CARHSP1: variants seen among roughly 807,000 people sequenced by gnomAD.
CARHSP1 encodes calcium regulated heat stable protein 1, also known as calcium-regulated heat-stable protein 1.
A neutral mutation model predicts 12.5 loss-of-function variants in CARHSP1; 14 were observed. That is an observed-to-expected ratio of 1.12 (90% CI 0.74 to 1.75). CARHSP1 has a LOEUF of 1.75. Among genes scored for constraint, CARHSP1 ranks in the 40% most tolerant of loss-of-function variants. The probability of loss-of-function intolerance (pLI) is 0.00; values close to 1 mark genes in which losing one functional copy is unlikely to be tolerated. For synonymous variants in CARHSP1, 161 were observed against 82.0 expected (o/e 1.96, Z -5.20); for missense variants, 343 against 201.6 (o/e 1.70, Z -4.25).
chr16:8,857,276 T>TG (rs1198791024), intron 3 of CARHSP1, among the ~76,000 whole-genome samples: 2 of 102,056 alleles, frequency 2.0e-5, no homozygotes, highest in Admixed American at 8.9e-5. Context: ...TTTTTTTTTT[T>TG]TTTTTTTTTT....
chr16:8,859,907 G>T (rs147179509), intron 1 of CARHSP1: 10 of 153,252 alleles, frequency 6.5e-5, no homozygotes, highest in African/African-American at 2.4e-4. Flanking sequence ...AACCTGGGAG[G>T]CGGAGGTTCC....
chr16:8,866,560 A>C, intron 1 of CARHSP1: 1 of 615,140 alleles, frequency 1.6e-6, no homozygotes, highest in Non-Finnish European at 2.0e-6. Context: ...AGCTGAGCCC[A>C]GATAGAAGGG....
At position 8,855,102 on chromosome 16, in the gene CARHSP1, C is replaced by T. The variant is rs1029196272; in HGVS notation, c.*62G>A. The T allele has an allele frequency of 1.0e-5, 14 of 1,397,548 alleles. No individual in the cohort carries two copies. Among genetic ancestry groups the T allele is most frequent in the Middle Eastern group, 1.9e-4 (1 of 5,220 alleles). 86.6% of individuals were successfully genotyped at this position (1,397,548 alleles called of 1,614,324 possible). On this transcript the variant is annotated 3_prime_UTR_variant, in exon 4 of 4. Coordinates refer to ENST00000311052, the MANE Select transcript of CARHSP1 (RefSeq NM_014316.4). ...TGTGGAAGAATGTCATCTCCAGTGT[C>T]TGCTGCCTCCTCCCTGCAAAGTCTC...
chr16:8,868,648 A>G (rs1223550195), intron 1 of CARHSP1: 1 of 151,784 alleles, frequency 6.6e-6, no homozygotes, highest in African/African-American at 2.4e-5. Flanking sequence ...GCTCCCGCCC[A>G]AAGGCAAAAG....
chr16:8,866,142 C>G (rs1431904024), intron 1 of CARHSP1, among the ~76,000 whole-genome samples: 1 of 152,040 alleles, frequency 6.6e-6, no homozygotes, highest in Non-Finnish European at 1.5e-5. Flanking sequence ...TTTGTAGAGA[C>G]AAGGTCTCAC....
intron 1 of CARHSP1, among the ~76,000 whole-genome samples, chr16:8,863,134 T>TC (rs1238146380): frequency 7.7e-6 from 1 of 130,520 alleles, no homozygotes; most frequent in Non-Finnish European, 1.6e-5. Context: ...TTTTTTTTTT[T>TC]TTTCAGATAG....
At chr16:8,862,438 C>G (rs934172829) in intron 1 of CARHSP1, among the ~76,000 whole-genome samples, 1 of 152,116 alleles carries the variant, frequency 6.6e-6, no homozygotes, top group African/African-American at 2.4e-5. Context: ...TGCCCAATAC[C>G]GAGCCCTGTT....
intron 1 of CARHSP1, among the ~76,000 whole-genome samples, chr16:8,867,011 C>T (rs2141131570): frequency 6.6e-6 from 1 of 152,296 alleles, no homozygotes; most frequent in East Asian, 1.9e-4. Flanking sequence ...TTGCCATTGC[C>T]TGTGCCCCCA....
At chr16:8,859,418 C>A in intron 1 of CARHSP1, 83 bp from the exon 2 acceptor site, 1 of 1,253,424 alleles carries the variant, frequency 8.0e-7, no homozygotes, top group Admixed American at 2.2e-5. Context: ...GTCTGACAGT[C>A]CAGTATCTGA....
chr16:8,868,939 C>A (rs1380653740), intron 1 of CARHSP1, 27 bp downstream of exon 1: 1 of 152,018 alleles, frequency 6.6e-6, no homozygotes, highest in Non-Finnish European at 1.5e-5. Context: ...GGCGCCTATC[C>A]TGGGGTCCCC....
At chr16:8,859,012 G>T in intron 2 of CARHSP1, 159 bp downstream of exon 2, 1 of 600,696 alleles carries the variant, frequency 1.7e-6, no homozygotes, top group Non-Finnish European at 2.8e-6. Context: ...TTTACAAGGC[G>T]CCTTCCTAGT....
At chr16:8,861,307 C>T (rs1370017893) in intron 1 of CARHSP1, among the ~76,000 whole-genome samples, 1 of 150,934 alleles carries the variant, frequency 6.6e-6, no homozygotes, top group Non-Finnish European at 1.5e-5. Flanking sequence ...GCATGAACCA[C>T]CATGCCCGGC....
chr16:8,859,074 G>C lies in CARHSP1; in HGVS notation c.158+97C>G, dbSNP rs530728600. 4.0e-6 allele frequency: 5 copies of C among 1,239,852 alleles called. No homozygotes were observed. In the South Asian group the frequency reaches 6.3e-5, roughly 16 times the overall value. 76.8% of individuals were successfully genotyped at this position (1,239,852 alleles called of 1,614,324 possible). On this transcript the variant is annotated intron_variant, in intron 2 of 3. Coordinates refer to ENST00000311052, the MANE Select transcript of CARHSP1 (RefSeq NM_014316.4). ...CCCAGGTCTGCCTATTTGGCAGTCC[G>C]GGACATAGGCCCAAAAATGGCCAGA...
chr16:8,859,744 G>A (rs12924512), intron 1 of CARHSP1: 1,815 of 157,300 alleles, frequency 0.012, 32 homozygotes, highest in African/African-American at 0.039. Flanking sequence ...CTGGGAGGCC[G>A]AGGCAGGCGG....
At position 8,858,343 on chromosome 16, in the gene CARHSP1, GACTC is replaced by G. The variant is rs777751624; in HGVS notation, c.281+3_281+6del. On this transcript the variant is annotated splice_donor_5th_base_variant and intron_variant, in intron 3 of 3. Transcript: ENST00000311052. ...AGCCAGGCCACCCAGACCTGCCGCT[GACTC>G]ACTCAGAGATGTGCAGGAAGATGTC... 55 of 1,613,012 alleles carry G rather than the reference GACTC, an allele frequency of 3.4e-5. No individual in the cohort carries two copies. Among genetic ancestry groups the G allele is most frequent in the Non-Finnish European group, 4.2e-5 (50 of 1,179,898 alleles).
intron 1 of CARHSP1, chr16:8,861,596 G>C (rs374726003): frequency 1.6e-6 from 2 of 1,286,300 alleles, no homozygotes; most frequent in Non-Finnish European, 2.0e-6. Flanking sequence ...GCACTCTCCC[G>C]TTGGGCCTCA....
At chr16:8,857,273 T>TTTGTTTTTTTG (rs1567181158) in intron 3 of CARHSP1, among the ~76,000 whole-genome samples, 1 of 45,552 alleles carries the variant, frequency 2.2e-5, no homozygotes, top group African/African-American at 9.1e-5. Flanking sequence ...GTTTTTTTTT[T>TTTGTTTTTTTG]TTTTTTTTTT....
At chr16:8,859,505 C>G (rs1388321532) in intron 1 of CARHSP1, among the ~76,000 whole-genome samples, 170 bp from the exon 2 acceptor site, 2 of 151,860 alleles carry the variant, frequency 1.3e-5, no homozygotes, top group Non-Finnish European at 2.9e-5. Flanking sequence ...GATGCCTACT[C>G]TGGGCTCCTG....
chr16:8,861,920 AG>A (rs2061367082), intron 1 of CARHSP1: 1 of 605,040 alleles, frequency 1.7e-6, no homozygotes, highest in Non-Finnish European at 2.3e-6. Flanking sequence ...CCACAGTTAG[AG>A]ACACTGCCCT....
Sources: allele counts gnomAD v4.1 joint callset (sites outside exome capture counted in the v4.1 genomes callset), GRCh38; gene constraint gnomAD v4.1.1; transcripts MANE v1.5; gene names NCBI Gene and HGNC (gene_info 2026-07-23, HGNC 2026-07-21).